SYTL5: variants seen among roughly 807,000 people sequenced by gnomAD.
SYTL5 encodes synaptotagmin like 5, also known as synaptotagmin-like protein 5.
Under a neutral mutation model 55.9 loss-of-function variants are expected in SYTL5, and 34 were observed. The ratio of observed to expected loss-of-function variants is 0.61; its 90% CI spans 0.46 to 0.81. The LOEUF is 0.81. SYTL5 is among the 30% of genes least tolerant of loss of function. SYTL5 has a pLI of 0.00. For synonymous variants in SYTL5, 221 were observed against 188.7 expected (o/e 1.17, Z -1.40); for missense variants, 637 against 546.7 (o/e 1.17, Z -1.65).
chrX:38,032,648 A>G (rs1934990750), intron 1 of SYTL5, among the ~76,000 whole-genome samples: 1 of 111,410 alleles, frequency 9.0e-6, no homozygotes, highest in Admixed American at 9.6e-5. Flanking sequence ...TTTCTAAATT[A>G]TATATATATT....
intron 10 of SYTL5, 100 bp from the exon 11 acceptor site, chrX:38,106,493 A>G: frequency 2.6e-6 from 2 of 772,829 alleles, no homozygotes; most frequent in Non-Finnish European, 3.6e-6. Context: ...TTCCATGCTC[A>G]TTATAAAGAA....
intron 13 of SYTL5, 66 bp downstream of exon 13, chrX:38,110,548 A>G (rs1170712731): frequency 1.1e-6 from 1 of 911,090 alleles, no homozygotes; most frequent in South Asian, 3.9e-5. Flanking sequence ...TTGATGTCAC[A>G]GACCTAAAGA....
chrX:37,916,886 C>T, the SYTL5 span, among the ~76,000 whole-genome samples: 663 of 111,197 alleles, frequency 6.0e-3, 5 homozygotes, highest in Middle Eastern at 0.023. Flanking sequence ...GAATTTTTAC[C>T]TAATGTCCTT....
chrX:37,979,771 G>A, the SYTL5 span, among the ~76,000 whole-genome samples: 1 of 107,316 alleles, frequency 9.3e-6, no homozygotes, highest in African/African-American at 3.4e-5. Flanking sequence ...CTGTAATAGA[G>A]TAAATGCTTG....
the SYTL5 span, among the ~76,000 whole-genome samples, chrX:37,980,211 C>T: frequency 8.9e-6 from 1 of 112,092 alleles, no homozygotes; most frequent in African/African-American, 3.2e-5. Flanking sequence ...GTTTTTCAGA[C>T]CACTGGATTA....
At chrX:38,060,271 T>C (rs1355178495) in intron 3 of SYTL5, among the ~76,000 whole-genome samples, 2 of 111,986 alleles carry the variant, frequency 1.8e-5, no homozygotes, top group Non-Finnish European at 3.8e-5. Context: ...AGATTAACTT[T>C]AGGTTATTTT....
At chrX:37,940,925 T>C in the SYTL5 span, among the ~76,000 whole-genome samples, 245 of 111,177 alleles carry the variant, frequency 2.2e-3, 1 homozygote, top group Non-Finnish European at 2.3e-3. Context: ...TGACTATTTC[T>C]AGAAATAAGC....
the SYTL5 span, among the ~76,000 whole-genome samples, chrX:37,936,438 A>AGAGGCTGAG: frequency 1.8e-5 from 2 of 112,303 alleles, no homozygotes; most frequent in Non-Finnish European, 3.8e-5. Context: ...ATTAGCATCC[A>AGAGGCTGAG]GAGGCTGAGG....
At chrX:38,073,844 C>T (rs1262284442) in intron 5 of SYTL5, 146 bp downstream of exon 5, 41 of 400,029 alleles carry the variant, frequency 1.0e-4, no homozygotes, top group Non-Finnish European at 1.7e-4. Flanking sequence ...TCTTATCATT[C>T]TCCTCAGGAA....
the SYTL5 span, among the ~76,000 whole-genome samples, chrX:37,991,838 C>T: frequency 8.9e-6 from 1 of 111,942 alleles, no homozygotes; most frequent in Non-Finnish European, 1.9e-5. Context: ...GATTTCATTT[C>T]TTATTTCTTT....
chrX:37,891,007 A>G, the SYTL5 span, among the ~76,000 whole-genome samples: 1 of 111,837 alleles, frequency 8.9e-6, no homozygotes, highest in Non-Finnish European at 1.9e-5. Context: ...CTGTCTCTAC[A>G]AAATAATAAA....
chrX:38,057,443 G>A (rs1935823131), intron 3 of SYTL5, among the ~76,000 whole-genome samples: 1 of 111,632 alleles, frequency 9.0e-6, no homozygotes, highest in East Asian at 2.8e-4. Flanking sequence ...CAGGTAACGT[G>A]ATTCCTCTAG....
At chrX:37,978,841 G>A in the SYTL5 span, among the ~76,000 whole-genome samples, 43,115 of 109,907 alleles carry the variant, frequency 0.39, 6,729 homozygotes, top group East Asian at 0.56. Flanking sequence ...TACATTTACT[G>A]GCTATAAAGG....
At chrX:37,967,331 C>T in the SYTL5 span, among the ~76,000 whole-genome samples, 55 of 111,717 alleles carry the variant, frequency 4.9e-4, 1 homozygote, top group Admixed American at 1.9e-4. Context: ...GGATTACAGG[C>T]GTGAGCCACC....
chrX:38,048,640 G>A (rs933061755), intron 2 of SYTL5, among the ~76,000 whole-genome samples: 12 of 110,515 alleles, frequency 1.1e-4, no homozygotes, highest in Admixed American at 1.9e-4. Context: ...GAGAACAGAA[G>A]AGAAATTGTG....
chrX:37,979,294 C>T, the SYTL5 span, among the ~76,000 whole-genome samples: 1 of 108,436 alleles, frequency 9.2e-6, no homozygotes, highest in African/African-American at 3.4e-5. Flanking sequence ...AGAAAAGGAG[C>T]AGGTAGGGGA....
the SYTL5 span, among the ~76,000 whole-genome samples, chrX:37,976,799 C>CA: frequency 0.046 from 2,148 of 47,127 alleles, 39 homozygotes; most frequent in Non-Finnish European, 0.076. Context: ...ACTAAAAATA[C>CA]AAAAAAAAAA....
chrX:37,926,926 G>C, the SYTL5 span, among the ~76,000 whole-genome samples: 1 of 111,883 alleles, frequency 8.9e-6, no homozygotes, highest in South Asian at 3.7e-4. Context: ...TATAGAGACA[G>C]ATCTACCACT....
chrX:38,055,860 A>G (rs1230439785), intron 3 of SYTL5, among the ~76,000 whole-genome samples: 3 of 111,867 alleles, frequency 2.7e-5, no homozygotes, highest in African/African-American at 9.8e-5. Flanking sequence ...ATATATATTT[A>G]TGGGGTACAT....
Sources: gnomAD v4.1 joint callset for allele counts (sites outside exome capture counted in the v4.1 genomes callset) on GRCh38, gnomAD v4.1.1 for gene constraint, MANE v1.5 for transcripts, NCBI Gene and HGNC (gene_info 2026-07-23, HGNC 2026-07-21) for gene names.